COL4A2: variants seen among roughly 807,000 people sequenced by gnomAD.
COL4A2 encodes collagen alpha-2(IV) chain.
COL4A2 carries 99 observed loss-of-function variants against 200.2 expected under a neutral mutation model. That is an observed-to-expected ratio of 0.49 (90% CI 0.42 to 0.58). COL4A2 has a LOEUF of 0.58. COL4A2 is among the 20% of genes least tolerant of loss of function. The pLI is 0.00. For missense variants in COL4A2, 1,950 were observed against 2,314.1 expected, an observed-to-expected ratio of 0.84 and a Z score of 3.23; for synonymous variants, 897 against 900.6, an observed-to-expected ratio of 1.00 and a Z score of 0.07.
In COL4A2 at chr13:110,406,263, A is replaced by G. The variant is rs112886185; in HGVS notation, c.181-18471A>G. 1.7e-3 allele frequency among the ~76,000 whole-genome samples: 254 copies of G among 152,336 alleles called. 1 individual carries two copies. The highest frequency in any genetic ancestry group is 5.9e-3 in the African/African-American group (245 of 41,584). ...CTGCAGAAGCTGATCTGCTGCCCCT[A>G]CGGACACTGATGGCTTCCTTCATCG... On this transcript the variant is annotated intron_variant, in intron 4 of 47. Coordinates refer to ENST00000360467, the MANE Select transcript of COL4A2 (RefSeq NM_001846.4).
At chr13:110,360,789 G>A (rs562089750) in intron 4 of COL4A2, among the ~76,000 whole-genome samples, 74 of 148,952 alleles carry the variant, frequency 5.0e-4, no homozygotes, top group African/African-American at 1.5e-3. Flanking sequence ...AACGATACCC[G>A]CCCCCCACCC....
intron 30 of COL4A2, among the ~76,000 whole-genome samples, chr13:110,479,282 C>T (rs1390600965): frequency 1.4e-5 from 2 of 146,880 alleles, no homozygotes; most frequent in East Asian, 4.1e-4. Context: ...AAAAGGCTCC[C>T]ACTTGGCCTG....
chr13:110,374,306 A>C (rs1245013641), intron 4 of COL4A2, among the ~76,000 whole-genome samples: 1 of 152,204 alleles, frequency 6.6e-6, no homozygotes, highest in Non-Finnish European at 1.5e-5. Context: ...ATCATTAGAG[A>C]GTTAAGGAAC....
intron 4 of COL4A2, among the ~76,000 whole-genome samples, chr13:110,376,682 T>C (rs567265852): frequency 6.6e-6 from 1 of 152,314 alleles, no homozygotes; most frequent in Admixed American, 6.5e-5. Context: ...AGATGCTAGT[T>C]CTGCAGGCCC....
At chr13:110,446,441 C>A (rs751413702) in intron 17 of COL4A2, among the ~76,000 whole-genome samples, 1 of 152,188 alleles carries the variant, frequency 6.6e-6, no homozygotes, top group African/African-American at 2.4e-5. Context: ...GGGGGTCCTG[C>A]GGCCGCATCA....
At chr13:110,377,817 A>C (rs142190963) in intron 4 of COL4A2, among the ~76,000 whole-genome samples, 1 of 152,360 alleles carries the variant, frequency 6.6e-6, no homozygotes, top group African/African-American at 2.4e-5. Context: ...CCTAATACTT[A>C]ATGGCTTTAT....
At chr13:110,353,427 C>T (rs1366639117) in intron 3 of COL4A2, among the ~76,000 whole-genome samples, 1 of 152,186 alleles carries the variant, frequency 6.6e-6, no homozygotes, top group Admixed American at 6.5e-5. Context: ...AGGGTGGCAG[C>T]AGGTGCGTGC....
chr13:110,425,137 C>G, intron 6 of COL4A2, 140 bp downstream of exon 6: 6 of 935,018 alleles, frequency 6.4e-6, no homozygotes, highest in Non-Finnish European at 9.7e-6. Context: ...CGTGCGTATT[C>G]TCCCCGCGGA....
In COL4A2 at chr13:110,451,228, C is replaced by G. The variant is rs377259767; in HGVS notation, c.1339+774C>G. ...GAGCTTGCTGTCAGAAAAGGCTGTTCTTTCAGCTTCAGCATTCAGAGAGTT... is the reference window on the plus strand; with the variant it reads ...GAGCTTGCTGTCAGAAAAGGCTGTTGTTTCAGCTTCAGCATTCAGAGAGTT... On this transcript the variant is annotated intron_variant, in intron 20 of 47. Coordinates refer to ENST00000360467, the MANE Select transcript of COL4A2 (RefSeq NM_001846.4). 3.0e-4 allele frequency among the ~76,000 whole-genome samples: 45 copies of G among 152,366 alleles called. No homozygotes were observed. In the South Asian group the frequency reaches 9.1e-3, roughly 31 times the overall value.
At chr13:110,472,833 G>A in intron 28 of COL4A2, 96 bp from the exon 29 acceptor site, 2 of 1,203,608 alleles carry the variant, frequency 1.7e-6, no homozygotes, top group Non-Finnish European at 2.4e-6. Flanking sequence ...GGACCCCATA[G>A]CCAAATTTTT....
At chr13:110,375,208 C>A (rs1333990617) in intron 4 of COL4A2, among the ~76,000 whole-genome samples, 1 of 152,198 alleles carries the variant, frequency 6.6e-6, no homozygotes, top group East Asian at 1.9e-4. Context: ...ACACCTCTGT[C>A]CCAGCCCCTG....
At chr13:110,362,129 C>T (rs1340493041) in intron 4 of COL4A2, among the ~76,000 whole-genome samples, 1 of 152,212 alleles carries the variant, frequency 6.6e-6, no homozygotes, top group African/African-American at 2.4e-5. Flanking sequence ...AGTTTCCCCT[C>T]GTTATGCAAG....
intron 4 of COL4A2, among the ~76,000 whole-genome samples, chr13:110,386,807 G>T (rs921055368): frequency 1.3e-5 from 2 of 152,160 alleles, no homozygotes; most frequent in Non-Finnish European, 2.9e-5. Flanking sequence ...GGAAGCATGG[G>T]ATCTTCTACT....
chr13:110,478,010 A>AGGGATGCCT lies in COL4A2; in HGVS notation c.2442_2450dup (p.Met816_Gly818dup), dbSNP rs2139519099. On this transcript the variant is annotated inframe_insertion, in exon 30 of 48. Coordinates refer to ENST00000360467, the MANE Select transcript of COL4A2 (RefSeq NM_001846.4). ...TGTCTCTGATTCCTGCAGGAAGCCA[A>AGGGATGCCT]GGGATGCCTGGGATGCCAGGGCTGA... 1.9e-6 allele frequency: 3 copies of AGGGATGCCT among 1,565,222 alleles called. No individual in the cohort carries two copies. Among genetic ancestry groups the AGGGATGCCT allele is most frequent in the Non-Finnish European group, 1.7e-6 (2 of 1,152,628 alleles).
At chr13:110,507,532 G>A (rs951505213) in intron 46 of COL4A2, 5 of 216,050 alleles carry the variant, frequency 2.3e-5, no homozygotes, top group African/African-American at 1.1e-4. Flanking sequence ...ATGGAAGGGA[G>A]AAGGGCCAGG....
At chr13:110,332,006 A>G (rs1875940226) in intron 3 of COL4A2, among the ~76,000 whole-genome samples, 3 of 152,094 alleles carry the variant, frequency 2.0e-5, no homozygotes, top group African/African-American at 4.8e-5. Flanking sequence ...CAATTTATCA[A>G]TTTTTTATGG....
At chr13:110,383,017 G>T (rs989459428) in intron 4 of COL4A2, among the ~76,000 whole-genome samples, 3 of 152,202 alleles carry the variant, frequency 2.0e-5, no homozygotes, top group Admixed American at 6.5e-5. Context: ...TTCCACTGAT[G>T]ATTTTATCTA....
intron 3 of COL4A2, among the ~76,000 whole-genome samples, chr13:110,341,271 G>C (rs1339990251): frequency 6.6e-6 from 1 of 152,232 alleles, no homozygotes; most frequent in Non-Finnish European, 1.5e-5. Context: ...ACAAAGCTCT[G>C]TGTTCCCTGC....
At chr13:110,435,234 A>G (rs1880828431) in intron 12 of COL4A2, among the ~76,000 whole-genome samples, 1 of 152,074 alleles carries the variant, frequency 6.6e-6, no homozygotes, top group African/African-American at 2.4e-5. Context: ...GGCTTCTGGG[A>G]AAAAAAAGAA....
Sources: allele counts gnomAD v4.1 joint callset (sites outside exome capture counted in the v4.1 genomes callset), GRCh38; gene constraint gnomAD v4.1.1; transcripts MANE v1.5; gene names NCBI Gene and HGNC (gene_info 2026-07-23, HGNC 2026-07-21).